The following CSMD1 variants were observed in gnomAD, a reference collection of about 807,000 sequenced individuals.
The protein encoded by CSMD1 is CUB and Sushi multiple domains 1.
In CSMD1, 213 loss-of-function variants were observed where a neutral mutation model predicts 417.5. That is an observed-to-expected ratio of 0.51 (90% CI 0.46 to 0.57). The LOEUF (loss-of-function observed/expected upper bound fraction) is 0.57. CSMD1 is among the 20% of genes least tolerant of loss of function. The pLI, the probability that CSMD1 is intolerant of heterozygous loss-of-function variation, is 0.00. For synonymous variants in CSMD1, 2,862 were observed against 1,736.8 expected (o/e 1.65, Z -16.11); for missense variants, 6,923 against 4,529.7 (o/e 1.53, Z -15.17).
At chr8:4,797,421 AG>A (rs1798043399) in intron 1 of CSMD1, among the ~76,000 whole-genome samples, 1 of 152,196 alleles carries the variant, frequency 6.6e-6, no homozygotes, top group Non-Finnish European at 1.5e-5. Context: ...AGCTGAAAAC[AG>A]CAAAAGCAGA....
At position 3,339,925 on chromosome 8, in the gene CSMD1, C is replaced by T. The variant is rs2589292; in HGVS notation, c.3631+3369G>A. Among the ~76,000 whole-genome samples the T allele has an allele frequency of 2.8e-4, 42 of 152,090 alleles. No individual in the cohort carries two copies. The East Asian group carries it at 2.9e-3, about 10-fold the overall frequency. Reference sequence around the variant, plus strand: ...TGTAATAAAAAGCAGTGTTTTCTAACGAAGGTACACTTTTAAAGTTTTATT... The same window carrying T: ...TGTAATAAAAAGCAGTGTTTTCTAATGAAGGTACACTTTTAAAGTTTTATT... On this transcript the variant is annotated intron_variant, in intron 23 of 69. Transcript: ENST00000635120.
At chr8:3,652,611 C>T (rs539641183) in intron 7 of CSMD1, among the ~76,000 whole-genome samples, 74 of 152,212 alleles carry the variant, frequency 4.9e-4, no homozygotes, top group African/African-American at 1.3e-3. Flanking sequence ...CAAAAGAGCT[C>T]GCGCAAGGGA....
chr8:3,759,586 G>A (rs1470713477), intron 5 of CSMD1, among the ~76,000 whole-genome samples: 1 of 151,956 alleles, frequency 6.6e-6, no homozygotes, highest in Non-Finnish European at 1.5e-5. Context: ...AAGATTCAAA[G>A]TAGAAACCTC....
chr8:3,655,557 G>C (rs529517515), intron 7 of CSMD1, among the ~76,000 whole-genome samples: 5 of 152,126 alleles, frequency 3.3e-5, no homozygotes, highest in South Asian at 2.1e-4. Flanking sequence ...AACTGTGTAA[G>C]GTACCAAGAG....
chr8:4,159,330 G>C (rs551472547), intron 3 of CSMD1, among the ~76,000 whole-genome samples: 36 of 152,220 alleles, frequency 2.4e-4, no homozygotes, highest in African/African-American at 8.2e-4. Flanking sequence ...TCCATTATTA[G>C]TACTCAAATG....
intron 5 of CSMD1, among the ~76,000 whole-genome samples, chr8:3,846,189 T>C (rs943917000): frequency 6.6e-6 from 1 of 152,204 alleles, no homozygotes; most frequent in African/African-American, 2.4e-5. Flanking sequence ...TGTGCTAGGC[T>C]TTTATATAAC....
chr8:3,638,838 G>C (rs554737535), intron 7 of CSMD1, among the ~76,000 whole-genome samples: 1 of 152,250 alleles, frequency 6.6e-6, no homozygotes, highest in East Asian at 1.9e-4. Flanking sequence ...CTTGTCTCCA[G>C]GAAGATACCC....
chr8:3,566,790 G>C (rs919121881), intron 10 of CSMD1, among the ~76,000 whole-genome samples: 2 of 152,212 alleles, frequency 1.3e-5, no homozygotes, highest in Admixed American at 6.5e-5. Flanking sequence ...AGATGCTGGT[G>C]AGGTTGTGGA....
intron 6 of CSMD1, among the ~76,000 whole-genome samples, chr8:3,711,651 T>C (rs533742083): frequency 6.6e-5 from 10 of 152,290 alleles, no homozygotes; most frequent in African/African-American, 2.4e-4. Flanking sequence ...AGATGGGGTA[T>C]CTGCTTCCAC....
intron 2 of CSMD1, among the ~76,000 whole-genome samples, chr8:4,501,536 G>A (rs1802259051): frequency 6.6e-6 from 1 of 152,098 alleles, no homozygotes; most frequent in African/African-American, 2.4e-5. Flanking sequence ...TGTGGTTTCA[G>A]TTACCTAAGG....
chr8:4,809,099 G>C (rs936622007), intron 1 of CSMD1, among the ~76,000 whole-genome samples: 9 of 152,156 alleles, frequency 5.9e-5, no homozygotes, highest in Non-Finnish European at 1.2e-4. Flanking sequence ...GAATGAAACA[G>C]ATGGACCTTA....
In CSMD1 at chr8:3,293,581, C is replaced by T. The variant is rs577168568; in HGVS notation, c.3951-9235G>A. Among the ~76,000 whole-genome samples, 48 of 152,260 alleles carry T rather than the reference C, an allele frequency of 3.2e-4. No homozygotes were observed. The Middle Eastern group carries it at 0.01, about 32-fold the overall frequency. ...TCTTGCTTCATTTCATTCATTTCAT[C>T]TTCCATCACTGATACCTTGTCTTCC... On this transcript the variant is annotated intron_variant, in intron 25 of 69. Transcript: ENST00000635120.
intron 5 of CSMD1, among the ~76,000 whole-genome samples, chr8:3,834,086 T>G (rs1308723279): frequency 1.3e-5 from 2 of 152,210 alleles, no homozygotes; most frequent in African/African-American, 4.8e-5. Flanking sequence ...TACTTTGATT[T>G]CCTTTCTTAA....
At chr8:2,940,165 G>A (rs1801769622) in intron 69 of CSMD1, among the ~76,000 whole-genome samples, 1 of 152,160 alleles carries the variant, frequency 6.6e-6, no homozygotes, top group African/African-American at 2.4e-5. Flanking sequence ...AGTGCTACAG[G>A]CTTGGTGCTT....
At chr8:3,252,031 CTT>C (rs1158123032) in intron 26 of CSMD1, among the ~76,000 whole-genome samples, 6 of 152,196 alleles carry the variant, frequency 3.9e-5, no homozygotes, top group African/African-American at 1.4e-4. Flanking sequence ...TTGACTTCCT[CTT>C]TTCCTAATTG....
intron 1 of CSMD1, among the ~76,000 whole-genome samples, chr8:4,829,531 C>G (rs569567035): frequency 3.7e-4 from 57 of 152,104 alleles, no homozygotes; most frequent in Non-Finnish European, 6.6e-4. Context: ...CTCTTGAGCC[C>G]AGGAGTTCAA....
At chr8:3,371,870 C>T (rs1809974228) in intron 18 of CSMD1, among the ~76,000 whole-genome samples, 1 of 152,192 alleles carries the variant, frequency 6.6e-6, no homozygotes, top group Non-Finnish European at 1.5e-5. Context: ...CCACATTTCA[C>T]TGTGAAAGAA....
At chr8:4,703,073 T>C (rs1280620710) in intron 1 of CSMD1, among the ~76,000 whole-genome samples, 5 of 152,224 alleles carry the variant, frequency 3.3e-5, no homozygotes, top group Non-Finnish European at 7.3e-5. Context: ...AATTATTTTA[T>C]ACCATACATA....
intron 2 of CSMD1, among the ~76,000 whole-genome samples, chr8:4,590,355 C>T (rs1563314791): frequency 6.6e-6 from 1 of 152,046 alleles, no homozygotes; most frequent in African/African-American, 2.4e-5. Flanking sequence ...ACATTAAATT[C>T]TAAAACATAC....
Sources: allele counts gnomAD v4.1 joint callset (sites outside exome capture counted in the v4.1 genomes callset), GRCh38; gene constraint gnomAD v4.1.1; transcripts MANE v1.5; gene names NCBI Gene and HGNC (gene_info 2026-07-23, HGNC 2026-07-21).